The following HIVEP2 variants were observed in gnomAD, a reference collection of about 807,000 sequenced individuals.
The protein encoded by HIVEP2 is transcription factor HIVEP2.
A neutral mutation model predicts 180.7 loss-of-function variants in HIVEP2; 14 were observed. The ratio of observed to expected loss-of-function variants is 0.08; its 90% CI spans 0.05 to 0.12. The LOEUF (loss-of-function observed/expected upper bound fraction) is 0.12, where lower values mean the gene tolerates loss of function less well. HIVEP2 is among the 10% of genes least tolerant of loss of function. The pLI, the probability that HIVEP2 is intolerant of heterozygous loss-of-function variation, is 1.00. For missense variants in HIVEP2, 2,579 were observed against 3,008.5 expected, an observed-to-expected ratio of 0.86 and a Z score of 3.34; for synonymous variants, 1,184 against 1,136.4, an observed-to-expected ratio of 1.04 and a Z score of -0.84.
intron 7 of HIVEP2, 125 bp downstream of exon 7, chr6:142,764,674 C>T (rs1171353784): frequency 2.7e-6 from 2 of 749,608 alleles, no homozygotes; most frequent in East Asian, 2.7e-5. Flanking sequence ...AAATATATTT[C>T]GTGGAATCAT....
At chr6:142,934,958 A>G (rs980280391) in intron 1 of HIVEP2, among the ~76,000 whole-genome samples, 6 of 152,194 alleles carry the variant, frequency 3.9e-5, no homozygotes, top group African/African-American at 1.4e-4. Context: ...ATCATGAGCA[A>G]CAGCCACCTT....
chr6:142,840,555 A>G (rs1262111227), intron 1 of HIVEP2, among the ~76,000 whole-genome samples: 1 of 152,050 alleles, frequency 6.6e-6, no homozygotes, highest in East Asian at 1.9e-4. Flanking sequence ...TGCACATATA[A>G]TTGTGTATTC....
In HIVEP2 at chr6:142,772,798, C is replaced by T; in HGVS notation, c.1941G>A (p.Lys647=). The T allele has an allele frequency of 1.2e-6, 2 of 1,614,186 alleles. No homozygotes were observed. The highest frequency in any genetic ancestry group is 1.7e-6 in the Non-Finnish European group (2 of 1,180,034). ...DYDVCRKPYK[K]WEDSETPKQN... is the part of the protein sequence containing the mutation. ...GCTTTGGTGTTTCAGAGTCCTCCCACTTCTTATAGGGTTTCCGACAGACAT... is the reference window on the plus strand; with the variant it reads ...GCTTTGGTGTTTCAGAGTCCTCCCATTTCTTATAGGGTTTCCGACAGACAT... The change falls in exon 5 of 10, where the codon AAG becomes AAA. Residue 647 remains lysine, a synonymous_variant. Coordinates refer to ENST00000367603, the MANE Select transcript of HIVEP2 (RefSeq NM_006734.4). This position sits in a 1 kb window ranked among gnomAD's most constrained non-coding sequence, Gnocchi z 4.9.
intron 1 of HIVEP2, among the ~76,000 whole-genome samples, chr6:142,906,597 T>G (rs1777269752): frequency 1.3e-5 from 2 of 151,944 alleles, no homozygotes; most frequent in African/African-American, 4.8e-5. Context: ...TTCATTCCCT[T>G]TGAAAAACAA....
rs1390024394 is a variant in HIVEP2, at chr6:142,753,056, A to C, written c.*51T>G. On this transcript the variant is annotated 3_prime_UTR_variant, in exon 10 of 10. Coordinates refer to ENST00000367603, the MANE Select transcript of HIVEP2 (RefSeq NM_006734.4). ...GATTACCTCCATTTCTAGAAAAACA[A>C]AAACAAAAAAATGGGAAAATGTGGA... The C allele has an allele frequency of 4.9e-6, 6 of 1,214,710 alleles. No individual in the cohort carries two copies. The allele number at this position is 1,214,710 out of a possible 1,614,324, so 75.2% of individuals were successfully genotyped here.
In HIVEP2 at chr6:142,764,966, G is replaced by A. The variant is rs760888393; in HGVS notation, c.5351C>T (p.Ser1784Leu). Residue 1784 changes from serine (S) to leucine (L), a missense_variant, in exon 7 of 10, where the codon TCG becomes TTG. Transcript: ENST00000367603. ...TCTGACATATACATAATCTTCATTC[G>A]ATTTGTACCTGTTTTAAAAAGAGGG... ...RIKIFEGGYK[S>L]NEDYVYVRGR... is the part of the protein sequence containing the mutation. The A allele has an allele frequency of 6.2e-7, 1 of 1,601,870 alleles. No homozygotes were observed.
At chr6:142,882,124 T>G (rs993093736) in intron 1 of HIVEP2, among the ~76,000 whole-genome samples, 1 of 152,194 alleles carries the variant, frequency 6.6e-6, no homozygotes, top group East Asian at 1.9e-4. Flanking sequence ...TGAGCAGAGC[T>G]TATCCTTAAG....
chr6:142,860,148 G>A lies in HIVEP2; in HGVS notation c.-640-23101C>T, dbSNP rs1467979439. On this transcript the variant is annotated intron_variant, in intron 1 of 9. Coordinates refer to ENST00000367603, the MANE Select transcript of HIVEP2 (RefSeq NM_006734.4). Reference sequence around the variant, plus strand: ...CTGTAAAAAAGATAAGAAAAAAACTGAGCCACAATCACCCTTGTATGTTAT... The same window carrying A: ...CTGTAAAAAAGATAAGAAAAAAACTAAGCCACAATCACCCTTGTATGTTAT... Among the ~76,000 whole-genome samples the A allele has an allele frequency of 3.3e-5, 5 of 152,156 alleles. No homozygotes were observed. The East Asian group carries it at 9.7e-4, about 29-fold the overall frequency.
At position 142,769,670 on chromosome 6, in the gene HIVEP2, G is replaced by A. The variant is rs776200982; in HGVS notation, c.5069C>T (p.Thr1690Met). The A allele has an allele frequency of 5.0e-6, 8 of 1,614,050 alleles. No individual in the cohort carries two copies. The Admixed American group carries it at 8.3e-5, about 17-fold the overall frequency. The change falls in exon 5 of 10, where the codon ACG (threonine) becomes ATG (methionine). Residue 1690 changes from threonine (T) to methionine (M), a missense_variant. Transcript: ENST00000367603. ...TTGCTTGGACCTCAGAAGAGCCAGC[G>A]TGGTCTTGGTGTTCAATCCTGATGG... The part of the protein sequence containing the change: ...PNPSGLNTKT[T>M]LALLRSKQKI...
At chr6:142,903,887 AT>A (rs978454591) in intron 1 of HIVEP2, among the ~76,000 whole-genome samples, 27 of 152,284 alleles carry the variant, frequency 1.8e-4, no homozygotes, top group Non-Finnish European at 3.1e-4. Flanking sequence ...AAAAAAAAAA[AT>A]TCCATCTTAG....
At chr6:142,907,516 G>A (rs1204772379) in intron 1 of HIVEP2, among the ~76,000 whole-genome samples, 2 of 152,184 alleles carry the variant, frequency 1.3e-5, no homozygotes, top group Admixed American at 6.5e-5. Flanking sequence ...TGCTTACCCT[G>A]AGTCGTACTC....
intron 2 of HIVEP2, among the ~76,000 whole-genome samples, chr6:142,787,688 TAC>T (rs1164477665): frequency 4.0e-5 from 6 of 151,226 alleles, no homozygotes; most frequent in East Asian, 1.9e-4. Context: ...ACAACACACA[TAC>T]ACACACACAC....
At chr6:142,802,568 G>A (rs1776440347) in intron 2 of HIVEP2, among the ~76,000 whole-genome samples, 1 of 152,044 alleles carries the variant, frequency 6.6e-6, no homozygotes, top group Admixed American at 6.6e-5. Context: ...CATGTTCACA[G>A]CTCTAATTCA....
chr6:142,763,978 G>A (rs1341074183), intron 7 of HIVEP2, among the ~76,000 whole-genome samples: 2 of 152,118 alleles, frequency 1.3e-5, no homozygotes, highest in African/African-American at 2.4e-5. Context: ...TTTCTTGAAT[G>A]AGCAGATTAA....
chr6:142,859,468 A>T (rs1775911936), intron 1 of HIVEP2, among the ~76,000 whole-genome samples: 1 of 151,824 alleles, frequency 6.6e-6, no homozygotes, highest in Admixed American at 6.6e-5. Flanking sequence ...CTCAAAAAAA[A>T]AAAAAGAAAG....
At chr6:142,921,692 A>G (rs574628223) in intron 1 of HIVEP2, among the ~76,000 whole-genome samples, 27 of 152,354 alleles carry the variant, frequency 1.8e-4, no homozygotes, top group Non-Finnish European at 3.8e-4. Context: ...TTACAATCTA[A>G]GTCAGGCCAT....
chr6:142,907,879 G>T (rs529513274), intron 1 of HIVEP2, among the ~76,000 whole-genome samples: 1 of 152,068 alleles, frequency 6.6e-6, no homozygotes, highest in African/African-American at 2.4e-5. Context: ...ATAACTTTTC[G>T]ATTTATTTCA....
chr6:142,859,428 T>C (rs1775911040), intron 1 of HIVEP2, among the ~76,000 whole-genome samples: 1 of 145,500 alleles, frequency 6.9e-6, no homozygotes, highest in Non-Finnish European at 1.5e-5. Context: ...GCCATTGCAC[T>C]CCAGCCTGGG....
intron 1 of HIVEP2, among the ~76,000 whole-genome samples, chr6:142,924,174 C>T (rs939186843): frequency 1.7e-4 from 26 of 152,176 alleles, no homozygotes; most frequent in Non-Finnish European, 7.3e-5. Flanking sequence ...GTTTATTGTG[C>T]ATCTGCTATA....
Sources: allele counts gnomAD v4.1 joint callset (sites outside exome capture counted in the v4.1 genomes callset), GRCh38; gene constraint gnomAD v4.1.1; non-coding constraint Gnocchi (gnomAD v3.1); transcripts MANE v1.5; gene names NCBI Gene and HGNC (gene_info 2026-07-23, HGNC 2026-07-21).